The following LRRC8D variants were observed in gnomAD, a reference collection of about 807,000 sequenced individuals.
LRRC8D encodes the protein volume-regulated anion channel subunit LRRC8D.
Under a neutral mutation model 55.8 loss-of-function variants are expected in LRRC8D, and 20 were observed. That is an observed-to-expected ratio of 0.36 (90% CI 0.25 to 0.52). LRRC8D has a LOEUF of 0.52. Among genes scored for constraint, LRRC8D ranks in the 20% least tolerant of loss-of-function variants. The pLI is 0.93. For missense variants in LRRC8D, 651 were observed against 1,030.8 expected (o/e 0.63, Z 5.05); for synonymous variants, 352 against 377.0 (o/e 0.93, Z 0.77).
chr1:89,879,594 T>G (rs1483165267), intron 2 of LRRC8D, among the ~76,000 whole-genome samples: 1 of 152,252 alleles, frequency 6.6e-6, no homozygotes, highest in African/African-American at 2.4e-5. Context: ...ATATTGTGTA[T>G]AAGAAACAAT....
chr1:89,851,311 T>A (rs1661411181), intron 2 of LRRC8D, among the ~76,000 whole-genome samples: 1 of 152,156 alleles, frequency 6.6e-6, no homozygotes, highest in African/African-American at 2.4e-5. Flanking sequence ...ATTACAGATG[T>A]CTCTTTATTA....
intron 2 of LRRC8D, among the ~76,000 whole-genome samples, chr1:89,868,518 A>C (rs1163998547): frequency 6.6e-6 from 1 of 152,178 alleles, no homozygotes. Flanking sequence ...AATATACCTC[A>C]GCATATTCCC....
intron 1 of LRRC8D, among the ~76,000 whole-genome samples, chr1:89,838,086 G>C (rs962911858): frequency 1.3e-5 from 2 of 152,010 alleles, no homozygotes; most frequent in Admixed American, 1.3e-4. Context: ...CAGGCCAGGC[G>C]TGGTGGCTCA....
chr1:89,907,884 G>A (rs187094547), intron 2 of LRRC8D, among the ~76,000 whole-genome samples: 35 of 152,312 alleles, frequency 2.3e-4, no homozygotes, highest in African/African-American at 8.2e-4. Context: ...CCAACCCAGT[G>A]ACAGATAGAT....
intron 2 of LRRC8D, among the ~76,000 whole-genome samples, chr1:89,928,326 C>A (rs964339946): frequency 6.6e-6 from 1 of 152,158 alleles, no homozygotes; most frequent in Non-Finnish European, 1.5e-5. Flanking sequence ...CCACCTCGGC[C>A]TCCCAAAGTG....
intron 1 of LRRC8D, among the ~76,000 whole-genome samples, chr1:89,824,552 G>T (rs1226778576): frequency 6.6e-6 from 1 of 152,062 alleles, no homozygotes; most frequent in Non-Finnish European, 1.5e-5. Context: ...TTACACCTTT[G>T]GACTGTTTGT....
intron 2 of LRRC8D, among the ~76,000 whole-genome samples, chr1:89,905,375 A>C (rs1046561593): frequency 6.6e-6 from 1 of 152,244 alleles, no homozygotes; most frequent in Non-Finnish European, 1.5e-5. Flanking sequence ...GAATATGGTC[A>C]AATACTCATT....
chr1:89,870,744 A>G (rs905237035), intron 2 of LRRC8D, among the ~76,000 whole-genome samples: 11 of 152,198 alleles, frequency 7.2e-5, no homozygotes, highest in African/African-American at 2.2e-4. Flanking sequence ...TAGTCCCAAC[A>G]TTGTCTATAA....
chr1:89,911,076 T>A lies in LRRC8D; in HGVS notation c.-2-21991T>A, dbSNP rs555974560. ...ATCTGACCTGAGTTCTCTGAATGCT[T>A]GACCTTCCCAGGGAGTTTCAGCGGG... is the stretch of plus-strand genomic sequence containing the variant. On this transcript the variant is annotated intron_variant, in intron 2 of 2. Coordinates refer to ENST00000337338, the MANE Select transcript of LRRC8D (RefSeq NM_001134479.2). The surrounding 1 kb of genome is among the most constrained non-coding windows in gnomAD (Gnocchi z 4.0). Among the ~76,000 whole-genome samples, 2 of 152,308 alleles carry A rather than the reference T, an allele frequency of 1.3e-5. No individual in the cohort carries two copies. The highest frequency in any genetic ancestry group is 4.1e-4 in the South Asian group (2 of 4,824).
chr1:89,882,759 A>G (rs1162198688), intron 2 of LRRC8D, among the ~76,000 whole-genome samples: 1 of 152,200 alleles, frequency 6.6e-6, no homozygotes, highest in East Asian at 1.9e-4. Flanking sequence ...ATGTTGCTAT[A>G]ATAGAGAGTA....
intron 2 of LRRC8D, among the ~76,000 whole-genome samples, chr1:89,853,650 C>G (rs1395936858): frequency 6.6e-6 from 1 of 152,132 alleles, no homozygotes; most frequent in Non-Finnish European, 1.5e-5. Flanking sequence ...ACTTGCCACG[C>G]TGCCCAGAGA....
chr1:89,922,450 C>CT (rs1663448221), intron 2 of LRRC8D, among the ~76,000 whole-genome samples: 1 of 152,222 alleles, frequency 6.6e-6, no homozygotes, highest in African/African-American at 2.4e-5. Flanking sequence ...CAGGATTACT[C>CT]TATGTGCGTG....
chr1:89,829,265 G>T (rs1407833014), intron 1 of LRRC8D, among the ~76,000 whole-genome samples: 17 of 152,168 alleles, frequency 1.1e-4, no homozygotes, highest in Admixed American at 1.1e-3. Context: ...AATAATAACA[G>T]CTATTAGGCA....
chr1:89,917,394 A>G (rs1663302805), intron 2 of LRRC8D, among the ~76,000 whole-genome samples: 1 of 152,204 alleles, frequency 6.6e-6, no homozygotes, highest in African/African-American at 2.4e-5. Context: ...ATCAACCTCC[A>G]ATCTGCAGCT....
intron 2 of LRRC8D, among the ~76,000 whole-genome samples, chr1:89,886,537 A>G (rs1426876059): frequency 6.6e-6 from 1 of 152,204 alleles, no homozygotes; most frequent in Non-Finnish European, 1.5e-5. Flanking sequence ...AGACAAGAAC[A>G]TCTTTTTAGA....
chr1:89,916,335 TAAATA>T (rs1273650580), intron 2 of LRRC8D, among the ~76,000 whole-genome samples: 2 of 152,222 alleles, frequency 1.3e-5, no homozygotes, highest in African/African-American at 4.8e-5. Context: ...GAAACAGAAT[TAAATA>T]AATCAAATGT....
intron 1 of LRRC8D, among the ~76,000 whole-genome samples, chr1:89,841,366 T>C (rs1260886306): frequency 6.6e-6 from 1 of 151,000 alleles, no homozygotes; most frequent in African/African-American, 2.4e-5. Flanking sequence ...GTGTAGTTCA[T>C]CGTCTGGAGG....
At chr1:89,852,105 G>A (rs145915814) in intron 2 of LRRC8D, among the ~76,000 whole-genome samples, 36 of 152,166 alleles carry the variant, frequency 2.4e-4, no homozygotes, top group African/African-American at 8.0e-4. Flanking sequence ...CACAAAGTCT[G>A]ATAAAATCAT....
rs1354734222 is a variant in LRRC8D, at chr1:89,923,435, G to T, written c.-2-9632G>T. On this transcript the variant is annotated intron_variant, in intron 2 of 2. Coordinates refer to ENST00000337338, the MANE Select transcript of LRRC8D (RefSeq NM_001134479.2). ...ATATGGATAGGATGCAGAGAAACCA[G>T]GTGCTGATCCCTTCTCTCATTGGCT... Among the ~76,000 whole-genome samples, 4 of 152,168 alleles carry T rather than the reference G, an allele frequency of 2.6e-5. No homozygotes were observed. The East Asian group carries it at 7.7e-4, about 29-fold the overall frequency.
Sources: gnomAD v4.1 joint callset for allele counts (sites outside exome capture counted in the v4.1 genomes callset) on GRCh38, gnomAD v4.1.1 for gene constraint, Gnocchi (gnomAD v3.1) non-coding constraint, MANE v1.5 for transcripts, NCBI Gene and HGNC (gene_info 2026-07-23, HGNC 2026-07-21) for gene names.